Variants in PPAT observed in about 807,000 individuals in gnomAD.
The protein encoded by PPAT is amidophosphoribosyltransferase.
PPAT carries 20 observed loss-of-function variants against 60.2 expected under a neutral mutation model. The ratio of observed to expected loss-of-function variants is 0.33; its 90% CI spans 0.23 to 0.48. The LOEUF (loss-of-function observed/expected upper bound fraction) is 0.48. Ranked by LOEUF, PPAT falls within the 20% of genes least tolerant of loss-of-function variation. The pLI, the probability that PPAT is intolerant of heterozygous loss-of-function variation, is 0.99. For missense variants in PPAT, 349 were observed against 629.6 expected (o/e 0.55, Z 4.77); for synonymous variants, 194 against 215.1 (o/e 0.90, Z 0.86).
At chr4:56,401,769 A>C (rs1716118234) in intron 6 of PPAT, among the ~76,000 whole-genome samples, 1 of 152,112 alleles carries the variant, frequency 6.6e-6, no homozygotes, top group Non-Finnish European at 1.5e-5. Context: ...CCTGGCTTAC[A>C]TTTTTCTGTC....
At chr4:56,431,482 A>G in intron 1 of PPAT, 1 of 977,638 alleles carries the variant, frequency 1.0e-6, no homozygotes, top group Non-Finnish European at 1.2e-6. Flanking sequence ...AGTTTCCTCA[A>G]AGCGTAATAA....
chr4:56,402,936 C>G (rs993306963), intron 5 of PPAT, 104 bp downstream of exon 5: 1 of 1,060,364 alleles, frequency 9.4e-7, no homozygotes, highest in Non-Finnish European at 1.3e-6. Flanking sequence ...ACCTAGCTCC[C>G]TCCCACCCAT....
rs1578112178 is a variant in PPAT, at chr4:56,396,631, C to A, written c.1345G>T (p.Ala449Ser). ...IANKPEFDHL[A>S]EYLGANSVVY... Reference sequence around the variant, plus strand: ...TTTTAATACTTACCTAGATATTCTGCAAGGTGATCAAATTCTGGTTTATTG... The same window carrying A: ...TTTTAATACTTACCTAGATATTCTGAAAGGTGATCAAATTCTGGTTTATTG... Residue 449 changes from alanine (A) to serine (S), a missense_variant, in exon 10 of 11, where the codon GCA becomes TCA. Transcript: ENST00000264220. The surrounding 1 kb of genome is among the most constrained non-coding windows in gnomAD (Gnocchi z 4.6). 1.2e-6 allele frequency: 2 copies of A among 1,605,286 alleles called. No individual in the cohort carries two copies. The highest frequency in any genetic ancestry group is 1.7e-6 in the Non-Finnish European group (2 of 1,174,176).
At chr4:56,399,532 G>T in intron 8 of PPAT, 132 bp from the exon 9 acceptor site, 1 of 735,022 alleles carries the variant, frequency 1.4e-6, no homozygotes. Context: ...TTGGAAAAAA[G>T]GCAAAAAGAA....
chr4:56,410,902 A>C, intron 1 of PPAT: 1 of 34,940 alleles, frequency 2.9e-5, no homozygotes, highest in Non-Finnish European at 4.3e-5. Flanking sequence ...CTGAAGGTAA[A>C]AAAAAAAAAA....
intron 1 of PPAT, chr4:56,423,393 T>C (rs927808971): frequency 2.6e-5 from 4 of 152,124 alleles, no homozygotes; most frequent in South Asian, 2.1e-4. Flanking sequence ...GATGCTAAGA[T>C]TGAAGCATGA....
chr4:56,421,028 G>A (rs1001220377), intron 1 of PPAT: 1 of 152,212 alleles, frequency 6.6e-6, no homozygotes, highest in Non-Finnish European at 1.5e-5. Flanking sequence ...AGCAGGAGGT[G>A]AGTGGTGGGC....
chr4:56,398,478 C>T lies in PPAT; in HGVS notation c.1236+701G>A, dbSNP rs533359983. On this transcript the variant is annotated intron_variant, in intron 9 of 10. Transcript: ENST00000264220. ...TACTCCATTGATTTTAAAAAGCATT[C>T]TATTGTGTGTTTTTGACTTTTTTTT... is the stretch of plus-strand genomic sequence containing the variant. Among the ~76,000 whole-genome samples the T allele has an allele frequency of 2.0e-5, 3 of 151,874 alleles. No homozygotes were observed. The South Asian group carries it at 6.3e-4, about 32-fold the overall frequency.
intron 3 of PPAT, among the ~76,000 whole-genome samples, chr4:56,404,355 C>T (rs1716190676): frequency 1.3e-5 from 2 of 152,110 alleles, no homozygotes; most frequent in African/African-American, 4.8e-5. Flanking sequence ...ATGGTGGCTA[C>T]CCATCCTCAT....
intron 1 of PPAT, among the ~76,000 whole-genome samples, chr4:56,433,771 T>C (rs1480037259): frequency 6.6e-6 from 1 of 151,980 alleles, no homozygotes; most frequent in Non-Finnish European, 1.5e-5. Flanking sequence ...CTCTGCTCTC[T>C]GGAACCTAAG....
chr4:56,395,318 C>A lies in PPAT; in HGVS notation c.*34G>T. Reference sequence around the variant, plus strand: ...CCACTATAACTTCTTGACCAACTTTCTATCTTGAAACTACACACATCCAAC... The same window carrying A: ...CCACTATAACTTCTTGACCAACTTTATATCTTGAAACTACACACATCCAAC... On this transcript the variant is annotated 3_prime_UTR_variant, in exon 11 of 11. Coordinates refer to ENST00000264220, the MANE Select transcript of PPAT (RefSeq NM_002703.5). The A allele has an allele frequency of 6.5e-7, 1 of 1,549,100 alleles. No individual in the cohort carries two copies. The highest frequency in any genetic ancestry group is 1.2e-5 in the South Asian group (1 of 83,884).
Position 56,399,283 on chromosome 4 carries a change from C to T in PPAT, c.1132G>A (p.Asp378Asn). ...GVAKKFGVLS[D>N]NFKGKRIVLV... is the part of the protein sequence containing the mutation. ...ACAATTCTTTTGCCTTTAAAGTTGT[C>T]TGACAATACTCCAAATTTTTTTGCA... Residue 378 changes from aspartate (D) to asparagine (N), a missense_variant, in exon 9 of 11, where the codon GAC (aspartate) becomes AAC (asparagine). Asp to Asn is a conservative substitution (Grantham distance 23). This residue lies in a region of PPAT where 167 missense variants were observed against 328.6 expected (regional missense o/e 0.51). Transcript: ENST00000264220. The T allele has an allele frequency of 1.2e-6, 2 of 1,613,968 alleles. No homozygotes were observed. Among genetic ancestry groups the T allele is most frequent in the Non-Finnish European group, 8.5e-7 (1 of 1,179,906 alleles).
At chr4:56,414,324 T>C (rs137945357) in intron 1 of PPAT, 1 of 152,322 alleles carries the variant, frequency 6.6e-6, no homozygotes, top group East Asian at 1.9e-4. Context: ...GTGGTAAGGA[T>C]AGGCCACTTG....
rs1249389986 is a variant in PPAT at position 56,393,409 on chromosome 4, A to T, written c.*1943T>A. The T allele has an allele frequency of 1.3e-5, 2 of 152,206 alleles. No homozygotes were observed. The highest frequency in any genetic ancestry group is 3.8e-4 in the East Asian group (2 of 5,202). 9.4% of individuals were successfully genotyped at this position (152,206 alleles called of 1,614,324 possible). ...ATTTATCAACAAGGCATCACAAATA[A>T]GTCACAAAAAGTAGGCTTAGTTTAG... On this transcript the variant is annotated 3_prime_UTR_variant, in exon 11 of 11. Transcript: ENST00000264220.
chr4:56,421,583 G>A (rs976318933), intron 1 of PPAT: 1 of 152,190 alleles, frequency 6.6e-6, no homozygotes, highest in Non-Finnish European at 1.5e-5. Flanking sequence ...TTTATTATCT[G>A]GCTTAAATGA....
chr4:56,403,794 T>C (rs1716177622), intron 3 of PPAT, among the ~76,000 whole-genome samples: 1 of 152,154 alleles, frequency 6.6e-6, no homozygotes, highest in Admixed American at 6.5e-5. Context: ...TAACAGATCA[T>C]CAGGCATTAT....
chr4:56,413,254 T>G (rs1277145664), intron 1 of PPAT, among the ~76,000 whole-genome samples: 1 of 152,136 alleles, frequency 6.6e-6, no homozygotes, highest in Non-Finnish European at 1.5e-5. Flanking sequence ...CTTCCCAGGT[T>G]CAAGCGATTC....
At chr4:56,432,846 G>A in intron 1 of PPAT, among the ~76,000 whole-genome samples, 1 of 149,674 alleles carries the variant, frequency 6.7e-6, no homozygotes, top group African/African-American at 2.5e-5. Flanking sequence ...TCATCAAAAA[G>A]GAAAAAAACA....
chr4:56,433,495 TAA>T (rs542379951), intron 1 of PPAT, among the ~76,000 whole-genome samples: 18 of 129,410 alleles, frequency 1.4e-4, no homozygotes, highest in Non-Finnish European at 1.7e-4. Flanking sequence ...ACATGTAAGT[TAA>T]AAAAAAAAAA....
Sources: allele counts gnomAD v4.1 joint callset (sites outside exome capture counted in the v4.1 genomes callset), GRCh38; gene constraint gnomAD v4.1.1; regional missense constraint gnomAD v4.1.1; non-coding constraint Gnocchi (gnomAD v3.1); transcripts MANE v1.5; gene names NCBI Gene and HGNC (gene_info 2026-07-23, HGNC 2026-07-21).